Variants in GALNT13 observed in about 807,000 individuals in gnomAD.
The protein encoded by GALNT13 is UDP-GalNAc:polypeptide N-acetylgalactosaminyltransferase 13.
A neutral mutation model predicts 64.2 loss-of-function variants in GALNT13; 28 were observed. The observed-to-expected ratio is 0.44, with a 90% CI of 0.32 to 0.60. The LOEUF (loss-of-function observed/expected upper bound fraction) is 0.60, where lower values mean the gene tolerates loss of function less well. Ranked by LOEUF, GALNT13 falls within the 20% of genes least tolerant of loss-of-function variation. The pLI, the probability that GALNT13 is intolerant of heterozygous loss-of-function variation, is 0.05. For missense variants in GALNT13, 577 were observed against 669.8 expected, an observed-to-expected ratio of 0.86 and a Z score of 1.53; for synonymous variants, 214 against 224.6, an observed-to-expected ratio of 0.95 and a Z score of 0.42.
At chr2:153,499,701 T>C in the GALNT13 span, among the ~76,000 whole-genome samples, 3 of 152,224 alleles carry the variant, frequency 2.0e-5, no homozygotes, top group Admixed American at 6.5e-5. Context: ...CATGTAAGCA[T>C]TGCCTTGGGC....
At chr2:153,613,634 A>G in the GALNT13 span, among the ~76,000 whole-genome samples, 1 of 152,114 alleles carries the variant, frequency 6.6e-6, no homozygotes, top group Admixed American at 6.6e-5. Context: ...TAAAATGAAG[A>G]ATCCTGATAT....
chr2:153,235,512 A>G, the GALNT13 span, among the ~76,000 whole-genome samples: 1 of 152,096 alleles, frequency 6.6e-6, no homozygotes, highest in African/African-American at 2.4e-5. Flanking sequence ...CTGTGGCTGT[A>G]AATGCTAGTA....
chr2:153,825,729 G>A, the GALNT13 span, among the ~76,000 whole-genome samples: 7 of 151,650 alleles, frequency 4.6e-5, no homozygotes, highest in South Asian at 8.4e-4. Context: ...ATCCCCCAGC[G>A]AATACCCTTT....
intron 3 of GALNT13, among the ~76,000 whole-genome samples, chr2:153,960,747 C>T (rs551157585): frequency 2.0e-5 from 3 of 152,140 alleles, no homozygotes; most frequent in South Asian, 2.1e-4. Context: ...GTCCGGTGTC[C>T]GAGGCCTGCC....
At chr2:153,374,046 C>T in the GALNT13 span, among the ~76,000 whole-genome samples, 1 of 152,166 alleles carries the variant, frequency 6.6e-6, no homozygotes, top group Non-Finnish European at 1.5e-5. Flanking sequence ...TTCCTTTTGG[C>T]AGTTGTGAAT....
chr2:154,011,175 G>A (rs1558906174), intron 3 of GALNT13, among the ~76,000 whole-genome samples: 2 of 151,984 alleles, frequency 1.3e-5, no homozygotes, highest in East Asian at 1.9e-4. Flanking sequence ...AGTTCCTCAA[G>A]CTGTTAGGTT....
At chr2:153,843,423 T>C in the GALNT13 span, among the ~76,000 whole-genome samples, 1 of 152,136 alleles carries the variant, frequency 6.6e-6, no homozygotes, top group Non-Finnish European at 1.5e-5. Context: ...TCATGAGGGA[T>C]CTGCCACCAT....
chr2:153,336,931 T>A, the GALNT13 span, among the ~76,000 whole-genome samples: 4 of 152,112 alleles, frequency 2.6e-5, no homozygotes, highest in Non-Finnish European at 5.9e-5. Context: ...AGCAATTAAG[T>A]CTCATGAGAT....
chr2:154,252,744 TA>T (rs1292772761), intron 7 of GALNT13, among the ~76,000 whole-genome samples: 1 of 148,108 alleles, frequency 6.8e-6, no homozygotes, highest in Non-Finnish European at 1.5e-5. Flanking sequence ...GATAGATAGA[TA>T]GATAGATAGA....
chr2:153,499,814 G>C, the GALNT13 span, among the ~76,000 whole-genome samples: 1 of 152,220 alleles, frequency 6.6e-6, no homozygotes, highest in African/African-American at 2.4e-5. Flanking sequence ...GGCAGTGGGA[G>C]CAGGCACTTC....
chr2:153,350,419 G>A, the GALNT13 span, among the ~76,000 whole-genome samples: 1 of 132,812 alleles, frequency 7.5e-6, no homozygotes, highest in Admixed American at 8.1e-5. Context: ...GTTGCGTTCT[G>A]TTGCCGAGGC....
chr2:154,378,693 T>A (rs1161203445), intron 9 of GALNT13, among the ~76,000 whole-genome samples: 4 of 152,024 alleles, frequency 2.6e-5, no homozygotes. Context: ...ACTCTTCGGC[T>A]CTGCTTCTAT....
At chr2:154,430,850 G>A (rs1700678840) in intron 11 of GALNT13, among the ~76,000 whole-genome samples, 1 of 152,098 alleles carries the variant, frequency 6.6e-6, no homozygotes, top group Non-Finnish European at 1.5e-5. Context: ...CCCTCCATCA[G>A]CAGAAATATT....
chr2:154,337,147 A>T (rs1247970698), intron 9 of GALNT13, among the ~76,000 whole-genome samples: 1 of 152,080 alleles, frequency 6.6e-6, no homozygotes, highest in Non-Finnish European at 1.5e-5. Flanking sequence ...CAAGGTTTAA[A>T]TTGAAATGCT....
the GALNT13 span, among the ~76,000 whole-genome samples, chr2:153,546,523 C>T: frequency 1.3e-5 from 2 of 152,046 alleles, no homozygotes; most frequent in African/African-American, 2.4e-5. Flanking sequence ...GAACATCTAC[C>T]CTTTGTGTGT....
chr2:153,667,627 T>C, the GALNT13 span, among the ~76,000 whole-genome samples: 2 of 151,936 alleles, frequency 1.3e-5, no homozygotes, highest in East Asian at 3.9e-4. Flanking sequence ...CTTAAAGGAG[T>C]GGTAAACATG....
the GALNT13 span, among the ~76,000 whole-genome samples, chr2:153,125,152 A>T: frequency 6.6e-6 from 1 of 152,234 alleles, no homozygotes; most frequent in East Asian, 1.9e-4. Context: ...TTGAAATTTG[A>T]ATTTAACTGG....
chr2:153,294,236 G>T, the GALNT13 span, among the ~76,000 whole-genome samples: 125,955 of 152,084 alleles, frequency 0.83, 53,373 homozygotes, highest in African/African-American at 0.92. Context: ...GGCAAGTGTG[G>T]GGGATGTGAG....
chr2:154,368,725 A>G (rs539402922), intron 9 of GALNT13, among the ~76,000 whole-genome samples: 6 of 152,272 alleles, frequency 3.9e-5, no homozygotes, highest in Non-Finnish European at 7.4e-5. Context: ...TGCATCATAC[A>G]GTTATAGGAA....
Sources: gnomAD v4.1 joint callset for allele counts (sites outside exome capture counted in the v4.1 genomes callset) on GRCh38, gnomAD v4.1.1 for gene constraint, MANE v1.5 for transcripts, NCBI Gene and HGNC (gene_info 2026-07-23, HGNC 2026-07-21) for gene names.